PBRM1: variants seen among roughly 807,000 people sequenced by gnomAD.
PBRM1 encodes the protein protein polybromo-1.
PBRM1 carries 27 observed loss-of-function variants against 194.5 expected under a neutral mutation model. The observed-to-expected ratio is 0.14, with a 90% CI of 0.10 to 0.19. PBRM1 has a LOEUF of 0.19. Ranked by LOEUF, PBRM1 falls within the 10% of genes least tolerant of loss-of-function variation. The probability of loss-of-function intolerance (pLI) is 1.00; values close to 1 mark genes in which losing one functional copy is unlikely to be tolerated. For synonymous variants in PBRM1, 655 were observed against 693.2 expected, an observed-to-expected ratio of 0.94 and a Z score of 0.87; for missense variants, 1,466 against 2,077.2, an observed-to-expected ratio of 0.71 and a Z score of 5.72.
At chr3:52,642,660 T>A (rs1560686307) in intron 9 of PBRM1, among the ~76,000 whole-genome samples, 1 of 151,368 alleles carries the variant, frequency 6.6e-6, no homozygotes, top group Non-Finnish European at 1.5e-5. Flanking sequence ...AATTCTATTA[T>A]GAATTTAAAA....
chr3:52,610,283 G>A (rs151178463), intron 15 of PBRM1, among the ~76,000 whole-genome samples: 77 of 152,252 alleles, frequency 5.1e-4, no homozygotes, highest in African/African-American at 1.6e-3. Flanking sequence ...AAGAGATAAC[G>A]GATGTTAAAA....
At chr3:52,644,930 C>T (rs2096245106) in intron 7 of PBRM1, 141 bp from the exon 9 acceptor site, 1 of 477,074 alleles carries the variant, frequency 2.1e-6, no homozygotes, top group Non-Finnish European at 3.8e-6. Context: ...AAGCTGCATC[C>T]TCCAACATTT....
At chr3:52,578,918 G>A (rs1053285638) in intron 21 of PBRM1, 136 bp downstream of exon 23, 9 of 801,832 alleles carry the variant, frequency 1.1e-5, no homozygotes, top group African/African-American at 3.4e-5. Context: ...TGTGGTTGGA[G>A]GGGAACATGG....
intron 25 of PBRM1, among the ~76,000 whole-genome samples, chr3:52,559,467 C>T (rs149609401): frequency 2.4e-4 from 36 of 152,274 alleles, no homozygotes; most frequent in Admixed American, 2.4e-3. Flanking sequence ...GATCCCCCCA[C>T]TCATCACATA....
At chr3:52,677,245 G>A (rs182757865) in intron 2 of PBRM1, among the ~76,000 whole-genome samples, 3 of 152,158 alleles carry the variant, frequency 2.0e-5, no homozygotes, top group Non-Finnish European at 2.9e-5. Context: ...TAAGGACACC[G>A]TACAAAATGA....
downstream of PBRM1, chr3:52,547,938 G>T: frequency 2.8e-6 from 2 of 709,146 alleles, no homozygotes; most frequent in Non-Finnish European, 4.7e-6. Context: ...AAATGGCCTT[G>T]TGATGTACAG....
chr3:52,675,911 C>A (rs145543472), intron 2 of PBRM1, among the ~76,000 whole-genome samples: 1 of 50,080 alleles, frequency 2.0e-5, no homozygotes, highest in Non-Finnish European at 4.1e-5. Flanking sequence ...GTCAGGAGAT[C>A]GAGACCATCC....
chr3:52,681,551 C>T (rs568787966), upstream of PBRM1, among the ~76,000 whole-genome samples: 10 of 152,154 alleles, frequency 6.6e-5, no homozygotes, highest in South Asian at 1.9e-3. Flanking sequence ...CCCTTTTAAA[C>T]AATCTATGAC....
chr3:52,658,346 A>G lies in PBRM1; in HGVS notation c.529-31T>C, dbSNP rs531399699. 3 of 1,128,882 alleles carry G rather than the reference A, an allele frequency of 2.7e-6. No homozygotes were observed. In the South Asian group the frequency reaches 3.8e-5, roughly 14 times the overall value. 69.9% of individuals were successfully genotyped at this position (1,128,882 alleles called of 1,614,324 possible). ...AATGTGGAGAAAAAAGTACTTTCTA[A>G]GAGAAATAATAAAATGCTGAATATT... On this transcript the variant is annotated intron_variant, in intron 4 of 29. Transcript: ENST00000296302.
intron 10 of PBRM1, among the ~76,000 whole-genome samples, chr3:52,638,997 G>GA (rs2095951674): frequency 8.9e-6 from 1 of 112,392 alleles, no homozygotes; most frequent in African/African-American, 3.3e-5. Context: ...GGGGGGGGGG[G>GA]GCGGGGGACA....
intron 5 of PBRM1, among the ~76,000 whole-genome samples, chr3:52,657,413 C>A (rs1335845966): frequency 6.6e-6 from 1 of 151,664 alleles, no homozygotes; most frequent in Admixed American, 6.6e-5. Context: ...AATGATAGAC[C>A]GTATACATTT....
chr3:52,609,942 G>C lies in PBRM1; in HGVS notation c.1938C>G (p.Gly646=), dbSNP rs746631804. ...TGTATTTTGATTTTTTAGGAGAAAT[G>C]CCACTCTTCCTACCTAAAGAGAGAT... The change falls in exon 16 of 30, where the codon GGC becomes GGG. Residue 646 remains glycine (G), a synonymous_variant. Coordinates refer to ENST00000296302, the Ensembl canonical transcript of PBRM1. The surrounding 1 kb of genome is among the most constrained non-coding windows in gnomAD (Gnocchi z 4.1). 8.0e-6 allele frequency: 12 copies of C among 1,505,704 alleles called. No homozygotes were observed. Among genetic ancestry groups the C allele is most frequent in the Non-Finnish European group, 9.8e-6 (11 of 1,124,204 alleles). The allele number at this position is 1,505,704 out of a possible 1,614,324, so 93.3% of individuals were successfully genotyped here. A position where few individuals can be genotyped will look rare whatever the true frequency, so the allele number is the denominator to read the frequency against.
intron 18 of PBRM1, among the ~76,000 whole-genome samples, chr3:52,588,162 A>C (rs2092638078): frequency 6.6e-6 from 1 of 152,186 alleles, no homozygotes; most frequent in African/African-American, 2.4e-5. Context: ...GGGGACAGAT[A>C]TGCTACTGAA....
At chr3:52,616,848 T>C (rs2094984897) in intron 14 of PBRM1, among the ~76,000 whole-genome samples, 1 of 152,212 alleles carries the variant, frequency 6.6e-6, no homozygotes, top group African/African-American at 2.4e-5. Flanking sequence ...GTAATGATGA[T>C]GATGAAAGAT....
chr3:52,552,750 A>G (rs1177973327), intron 27 of PBRM1, among the ~76,000 whole-genome samples: 1 of 152,220 alleles, frequency 6.6e-6, no homozygotes, highest in Non-Finnish European at 1.5e-5. Context: ...AGAAGGTGTA[A>G]ACTCCAGCCT....
chr3:52,678,678 T>C, intron 1 of PBRM1, 81 bp from the exon 3 acceptor site: 1 of 838,098 alleles, frequency 1.2e-6, no homozygotes, highest in South Asian at 1.6e-5. Context: ...TTTTCTACTC[T>C]TCAATAAAAG....
chr3:52,580,595 T>G (rs972933337), intron 20 of PBRM1, among the ~76,000 whole-genome samples: 1 of 152,072 alleles, frequency 6.6e-6, no homozygotes, highest in Non-Finnish European at 1.5e-5. Context: ...ATCTCCTGAC[T>G]TCGTGATCCA....
chr3:52,611,078 G>T (rs1413331266), intron 15 of PBRM1, among the ~76,000 whole-genome samples: 1 of 151,992 alleles, frequency 6.6e-6, no homozygotes, highest in Non-Finnish European at 1.5e-5. Flanking sequence ...CAACAAAATG[G>T]GTAAATATTG....
chr3:52,547,975 T>C, downstream of PBRM1: 1 of 1,116,942 alleles, frequency 9.0e-7, no homozygotes, highest in Non-Finnish European at 1.3e-6. Context: ...TTATCCTCCT[T>C]TGTTCCTTCC....
Sources: allele counts gnomAD v4.1 joint callset (sites outside exome capture counted in the v4.1 genomes callset), GRCh38; gene constraint gnomAD v4.1.1; non-coding constraint Gnocchi (gnomAD v3.1); transcripts MANE v1.5; gene names NCBI Gene and HGNC (gene_info 2026-07-23, HGNC 2026-07-21).